The following RYR1 variants were observed in gnomAD, a reference collection of about 807,000 sequenced individuals.
The protein encoded by RYR1 is ryanodine receptor 1, also known as central core disease of muscle.
A neutral mutation model predicts 583.5 loss-of-function variants in RYR1; 342 were observed. The observed-to-expected ratio is 0.59, with a 90% CI of 0.54 to 0.64. The LOEUF (loss-of-function observed/expected upper bound fraction) is 0.64. RYR1 is among the 30% of genes least tolerant of loss of function. RYR1 has a pLI of 0.00. For missense variants in RYR1, 6,032 were observed against 6,917.2 expected (o/e 0.87, Z 4.54); for synonymous variants, 2,791 against 2,822.5 (o/e 0.99, Z 0.35).
intron 25 of RYR1, among the ~76,000 whole-genome samples, chr19:38,468,626 A>G (rs1968252522): frequency 6.6e-6 from 1 of 152,210 alleles, no homozygotes; most frequent in African/African-American, 2.4e-5. Context: ...GTATGGGGAC[A>G]CTGATAGGTT....
In RYR1 at chr19:38,502,958, G is replaced by A. The variant is rs1245356413; in HGVS notation, c.7914G>A (p.Lys2638=). 6.2e-7 allele frequency: 1 copy of A among 1,609,784 alleles called. No individual in the cohort carries two copies. Among genetic ancestry groups the A allele is most frequent in the Non-Finnish European group, 8.5e-7 (1 of 1,180,000 alleles). ...TGCCCATCCTCAACGAGTTCGCCAA[G>A]ATGCCACTCAAGGTGAGGGCAAGCG... ...FDVPILNEFA[K]MPLKLLTNHY... is the part of the protein sequence containing the mutation. The change falls in exon 49 of 106, where the codon AAG becomes AAA. Residue 2638 remains lysine, a synonymous_variant. Transcript: ENST00000359596.
At chr19:38,516,690 T>C (rs1296923285) in intron 65 of RYR1, among the ~76,000 whole-genome samples, 1 of 152,042 alleles carries the variant, frequency 6.6e-6, no homozygotes, top group Non-Finnish European at 1.5e-5. Context: ...TATTTGAGCA[T>C]AAGAGGATTG....
At chr19:38,530,422 GC>G (rs1971679718) in intron 76 of RYR1, among the ~76,000 whole-genome samples, 1 of 147,794 alleles carries the variant, frequency 6.8e-6, no homozygotes, top group Admixed American at 6.9e-5. Flanking sequence ...GTGCCTCCAT[GC>G]CTGGCTATTT....
intron 25 of RYR1, 113 bp from the exon 26 acceptor site, chr19:38,468,853 T>C: frequency 6.9e-6 from 8 of 1,152,092 alleles, no homozygotes; most frequent in Non-Finnish European, 1.0e-5. Context: ...CCACCTGCCC[T>C]GAACCTGACA....
intron 27 of RYR1, among the ~76,000 whole-genome samples, chr19:38,472,835 T>TA (rs34985897): frequency 0.011 from 1,209 of 107,280 alleles, 5 homozygotes; most frequent in African/African-American, 0.013. Context: ...GACTCTTGTC[T>TA]AAAAAAAAAA....
rs372491219 is a variant in RYR1, at chr19:38,535,326, A to G, written c.11450A>G (p.Asp3817Gly). 13 of 1,614,016 alleles carry G rather than the reference A, an allele frequency of 8.1e-6. No homozygotes were observed. Among genetic ancestry groups the G allele is most frequent in the Non-Finnish European group, 8.5e-7 (1 of 1,180,026 alleles). The change falls in exon 81 of 106, where the codon GAT becomes GGT. Residue 3817 changes from aspartate (D) to glycine (G), a missense_variant. Coordinates refer to ENST00000359596, the MANE Select transcript of RYR1 (RefSeq NM_000540.3). ...GNAEVQQKML[D>G]YLKDKKEVGF... ...CCTCGCCCTCTGCAGAAAATGCTGG[A>G]TTATCTTAAGGACAAGAAGGAAGTT... is the stretch of plus-strand genomic sequence containing the variant.
chr19:38,579,608 A>C (rs1038664240), intron 99 of RYR1, among the ~76,000 whole-genome samples: 2 of 151,154 alleles, frequency 1.3e-5, no homozygotes, highest in Non-Finnish European at 1.5e-5. Context: ...AAAAAAAAAA[A>C]AGACAGAGGA....
At chr19:38,484,126 T>C (rs993205221) in intron 33 of RYR1, among the ~76,000 whole-genome samples, 1 of 151,938 alleles carries the variant, frequency 6.6e-6, no homozygotes, top group Non-Finnish European at 1.5e-5. Flanking sequence ...CAGGAGTCTC[T>C]ACTAAAAATA....
intron 96 of RYR1, 56 bp downstream of exon 96, chr19:38,573,363 C>T (rs1973812046): frequency 6.3e-7 from 1 of 1,592,978 alleles, no homozygotes; most frequent in Non-Finnish European, 8.6e-7. Flanking sequence ...GGGTTTCCAC[C>T]CAGTCCAGGC....
chr19:38,496,802 C>T lies in RYR1; in HGVS notation c.6797-58C>T. The stretch of plus-strand genomic sequence containing the variant: ...GAAAAAGGGTGGTCAGGGAGGGCTT[C>T]CCAGAGGAGGCGAGACAAGCAGGAG... On this transcript the variant is annotated intron_variant, in intron 41 of 105. Coordinates refer to ENST00000359596, the MANE Select transcript of RYR1 (RefSeq NM_000540.3). This position sits in a 1 kb window ranked among gnomAD's most constrained non-coding sequence, Gnocchi z 4.8. 6.5e-7 allele frequency: 1 copy of T among 1,533,328 alleles called. No individual in the cohort carries two copies. Among genetic ancestry groups the T allele is most frequent in the Non-Finnish European group, 9.0e-7 (1 of 1,107,812 alleles). 95.0% of individuals were successfully genotyped at this position (1,533,328 alleles called of 1,614,324 possible).
chr19:38,457,410 C>T (rs1238176979), intron 16 of RYR1, 87 bp from the exon 17 acceptor site: 7 of 1,593,050 alleles, frequency 4.4e-6, no homozygotes, highest in Non-Finnish European at 6.0e-6. Flanking sequence ...GCTGTCCTTT[C>T]CTCCTGGCTT....
chr19:38,525,215 T>G, intron 70 of RYR1, 117 bp from the exon 71 acceptor site: 1 of 1,189,324 alleles, frequency 8.4e-7, no homozygotes, highest in Non-Finnish European at 1.2e-6. Context: ...TCGTCGGCAG[T>G]TGGGGAGGGA....
chr19:38,463,702 G>A, intron 21 of RYR1, 45 bp from the exon 22 acceptor site: 2 of 1,573,312 alleles, frequency 1.3e-6, no homozygotes, highest in Non-Finnish European at 1.7e-6. Context: ...GTGGGGAGTG[G>A]GAAGGAAAGG....
At chr19:38,436,206 G>A (rs1039110947) in intron 1 of RYR1, among the ~76,000 whole-genome samples, 3 of 151,818 alleles carry the variant, frequency 2.0e-5, no homozygotes, top group Admixed American at 6.6e-5. Context: ...CACCACGCCC[G>A]GCCTTTTTTT....
chr19:38,557,847 G>T (rs968314745), intron 89 of RYR1, among the ~76,000 whole-genome samples: 1 of 152,016 alleles, frequency 6.6e-6, no homozygotes, highest in South Asian at 2.1e-4. Flanking sequence ...AGGCATGGTG[G>T]TGCATGCCTG....
intron 65 of RYR1, 116 bp downstream of exon 65, chr19:38,516,333 T>C (rs923784479): frequency 3.8e-6 from 5 of 1,298,990 alleles, no homozygotes; most frequent in Non-Finnish European, 5.3e-6. Flanking sequence ...CGGCTGAGGA[T>C]TCCCCAGGTT....
At position 38,502,698 on chromosome 19, in the gene RYR1, C is replaced by T. The variant is rs1487018944; in HGVS notation, c.7806C>T (p.Val2602=). ...CGCTCACCAAGGCGCAGCGTGACGT[C>T]ATCGAGGACTGCCTCATGTCGCTCT... ...GRSLTKAQRD[V]IEDCLMSLCR... is the part of the protein sequence containing the mutation. Residue 2602 remains valine (V), a synonymous_variant, in exon 48 of 106, where the codon GTC becomes GTT. Coordinates refer to ENST00000359596, the MANE Select transcript of RYR1 (RefSeq NM_000540.3). The T allele has an allele frequency of 1.3e-6, 2 of 1,594,806 alleles. No homozygotes were observed. Among genetic ancestry groups the T allele is most frequent in the South Asian group, 1.1e-5 (1 of 90,794 alleles).
chr19:38,463,904 G>A, intron 22 of RYR1, 54 bp downstream of exon 22: 1 of 1,329,310 alleles, frequency 7.5e-7, no homozygotes, highest in Non-Finnish European at 1.1e-6. Context: ...CGGTGGGGGA[G>A]GGAGGCATGG....
At position 38,455,864 on chromosome 19, in the gene RYR1, C is replaced by T. The variant is rs1373178323; in HGVS notation, c.1791+113C>T. The stretch of plus-strand genomic sequence containing the variant: ...TTCCCTCCTCCATCTCATCTCTCAC[C>T]TGTACGCCACTCCCACTGGCTTTCA... On this transcript the variant is annotated intron_variant, in intron 16 of 105. Coordinates refer to ENST00000359596, the MANE Select transcript of RYR1 (RefSeq NM_000540.3). 3.1e-5 allele frequency: 23 copies of T among 738,402 alleles called. No individual in the cohort carries two copies. The Admixed American group carries it at 4.4e-4, about 14-fold the overall frequency. The allele number at this position is 738,402 out of a possible 1,614,324, so 45.7% of individuals were successfully genotyped here.
Sources: gnomAD v4.1 joint callset for allele counts (sites outside exome capture counted in the v4.1 genomes callset) on GRCh38, gnomAD v4.1.1 for gene constraint, Gnocchi (gnomAD v3.1) non-coding constraint, MANE v1.5 for transcripts, NCBI Gene and HGNC (gene_info 2026-07-23, HGNC 2026-07-21) for gene names.